Variants in ASIC2 observed in about 807,000 individuals in gnomAD.
ASIC2 encodes the protein acid-sensing ion channel 2.
ASIC2 carries 25 observed loss-of-function variants against 57.3 expected under a neutral mutation model. The observed-to-expected ratio is 0.44, with a 90% CI of 0.32 to 0.61. ASIC2 has a LOEUF of 0.61. Among genes scored for constraint, ASIC2 ranks in the 20% least tolerant of loss-of-function variants. ASIC2 has a pLI of 0.06. For missense variants in ASIC2, 641 were observed against 738.1 expected (o/e 0.87, Z 1.52); for synonymous variants, 319 against 307.5 (o/e 1.04, Z -0.39).
chr17:34,130,377 G>C (rs1350045885), intron 1 of ASIC2, among the ~76,000 whole-genome samples: 1 of 152,224 alleles, frequency 6.6e-6, no homozygotes, highest in Admixed American at 6.5e-5. Context: ...AGATGCAACA[G>C]TTATGATTTT....
intron 1 of ASIC2, among the ~76,000 whole-genome samples, chr17:34,083,458 T>C (rs1225377099): frequency 6.6e-6 from 1 of 151,714 alleles, no homozygotes; most frequent in African/African-American, 2.4e-5. Context: ...GTCTTTGCTA[T>C]TGTGAATAGT....
chr17:33,137,119 T>G (rs1168666764), intron 1 of ASIC2, among the ~76,000 whole-genome samples: 1 of 152,250 alleles, frequency 6.6e-6, no homozygotes, highest in African/African-American at 2.4e-5. Context: ...TGGGCCTTTC[T>G]AAAGGAAGCT....
At chr17:33,194,144 T>C (rs1294001394) in intron 1 of ASIC2, among the ~76,000 whole-genome samples, 1 of 152,182 alleles carries the variant, frequency 6.6e-6, no homozygotes, top group African/African-American at 2.4e-5. Context: ...CATCTGATTA[T>C]CCATGAACTT....
chr17:33,048,387 A>G (rs567440435), intron 3 of ASIC2, among the ~76,000 whole-genome samples: 1 of 152,278 alleles, frequency 6.6e-6, no homozygotes, highest in African/African-American at 2.4e-5. Flanking sequence ...ACTGCTCACT[A>G]GGGCCTCTCG....
chr17:33,476,535 A>ATG (rs1555536789), intron 1 of ASIC2, among the ~76,000 whole-genome samples: 9 of 95,076 alleles, frequency 9.5e-5, no homozygotes, highest in African/African-American at 3.7e-4. Flanking sequence ...ATATATATAT[A>ATG]TGTACAGGGG....
chr17:33,925,478 C>T (rs1165992446), intron 1 of ASIC2, among the ~76,000 whole-genome samples: 3 of 152,190 alleles, frequency 2.0e-5, no homozygotes, highest in Non-Finnish European at 2.9e-5. Context: ...GGGATTAGAC[C>T]TCTCAGGGGA....
chr17:34,003,927 C>A (rs535021267), intron 1 of ASIC2: 3 of 152,314 alleles, frequency 2.0e-5, no homozygotes, highest in South Asian at 2.1e-4. Flanking sequence ...CTTTTTTCTG[C>A]CCATGTCCAT....
chr17:33,862,215 T>C (rs1056360202), intron 1 of ASIC2, among the ~76,000 whole-genome samples: 4 of 152,220 alleles, frequency 2.6e-5, no homozygotes, highest in Admixed American at 6.5e-5. Flanking sequence ...TTTCCAAACA[T>C]TTTGCAAAAC....
intron 1 of ASIC2, among the ~76,000 whole-genome samples, chr17:33,507,585 C>T (rs1914303821): frequency 6.7e-6 from 1 of 149,190 alleles, no homozygotes; most frequent in Non-Finnish European, 1.5e-5. Flanking sequence ...ATCGTTTTCT[C>T]TTTTTTTTTT....
chr17:33,835,005 A>G (rs1913231912), intron 1 of ASIC2, among the ~76,000 whole-genome samples: 1 of 152,244 alleles, frequency 6.6e-6, no homozygotes, highest in African/African-American at 2.4e-5. Context: ...ATAAATATTT[A>G]TTGAGTCTTT....
intron 3 of ASIC2, among the ~76,000 whole-genome samples, chr17:33,047,603 G>C (rs1038178214): frequency 6.6e-6 from 1 of 152,112 alleles, no homozygotes; most frequent in Non-Finnish European, 1.5e-5. Context: ...GCCTCCCAAA[G>C]TGCTGGGATT....
rs777100406 is a variant in ASIC2 at position 34,156,340 on chromosome 17, A to T, written c.193T>A (p.Ser65Thr). The T allele has an allele frequency of 4.3e-6, 7 of 1,614,150 alleles. No individual in the cohort carries two copies. The South Asian group carries it at 6.6e-5, about 15-fold the overall frequency. ...ACATGCTGGTAGGAGAAGTAGTAGG[A>T]CACCCTCTCAGAGCTCTCCACCAGC... is the stretch of plus-strand genomic sequence containing the variant. Residue 65 changes from serine (S) to threonine (T), a missense_variant, in exon 1 of 10, where the codon TCC (serine) becomes ACC (threonine). By Grantham distance (58) the Ser-to-Thr change is moderately conservative (BLOSUM62 1). Coordinates refer to the ASIC2 transcript ENST00000359872. This position sits in a 1 kb window ranked among gnomAD's most constrained non-coding sequence, Gnocchi z 4.4.
At chr17:33,537,670 G>A (rs1291514632) in intron 1 of ASIC2, among the ~76,000 whole-genome samples, 1 of 152,196 alleles carries the variant, frequency 6.6e-6, no homozygotes, top group Admixed American at 6.5e-5. Flanking sequence ...GTGGGTGGAG[G>A]TTCTGGAAGG....
chr17:34,100,549 G>A (rs1460316973), intron 1 of ASIC2, among the ~76,000 whole-genome samples: 2 of 152,124 alleles, frequency 1.3e-5, no homozygotes, highest in African/African-American at 4.8e-5. Flanking sequence ...GCCCAGAAGA[G>A]CGTCCGGCCC....
At chr17:33,412,243 C>G (rs1445088712) in intron 1 of ASIC2, among the ~76,000 whole-genome samples, 2 of 152,210 alleles carry the variant, frequency 1.3e-5, no homozygotes, top group African/African-American at 4.8e-5. Context: ...GCACAACTGT[C>G]TAGCAGCTCA....
intron 1 of ASIC2, among the ~76,000 whole-genome samples, chr17:33,537,723 G>A (rs759220242): frequency 1.7e-4 from 26 of 152,198 alleles, no homozygotes; most frequent in Non-Finnish European, 2.6e-4. Flanking sequence ...GGCTGACTAT[G>A]TCCAAGGACC....
intron 3 of ASIC2, among the ~76,000 whole-genome samples, chr17:33,037,528 A>T (rs181853167): frequency 7.2e-4 from 110 of 151,804 alleles, no homozygotes; most frequent in Non-Finnish European, 1.2e-3. Flanking sequence ...CTGTGTGCAC[A>T]GCACCGACTC....
At chr17:33,221,406 C>G (rs1907687862) in intron 1 of ASIC2, among the ~76,000 whole-genome samples, 2 of 152,154 alleles carry the variant, frequency 1.3e-5, no homozygotes, top group South Asian at 4.1e-4. Context: ...CTTCAAGGAC[C>G]AGGAACCAAC....
intron 1 of ASIC2, among the ~76,000 whole-genome samples, chr17:33,336,294 C>A (rs1907511547): frequency 1.3e-5 from 2 of 152,108 alleles, no homozygotes; most frequent in Non-Finnish European, 2.9e-5. Context: ...CACATTGGAA[C>A]CTGAAGCAAA....
Sources: gnomAD v4.1 joint callset for allele counts (sites outside exome capture counted in the v4.1 genomes callset) on GRCh38, gnomAD v4.1.1 for gene constraint, Gnocchi (gnomAD v3.1) non-coding constraint, MANE v1.5 for transcripts, NCBI Gene and HGNC (gene_info 2026-07-23, HGNC 2026-07-21) for gene names.